MLF1: variants seen among roughly 807,000 people sequenced by gnomAD.
MLF1 encodes myelodysplasia-myeloid leukemia factor 1.
MLF1 carries 37 observed loss-of-function variants against 38.3 expected under a neutral mutation model. The observed-to-expected ratio is 0.96, with a 90% CI of 0.74 to 1.27. The LOEUF (loss-of-function observed/expected upper bound fraction) is 1.27, where lower values mean the gene tolerates loss of function less well. Ranked by LOEUF, MLF1 falls within the 50% of genes most tolerant of loss-of-function variation. The pLI is 0.00. For missense variants in MLF1, 331 were observed against 349.2 expected, an observed-to-expected ratio of 0.95 and a Z score of 0.42; for synonymous variants, 95 against 106.5, an observed-to-expected ratio of 0.89 and a Z score of 0.66.
At chr3:158,601,122 T>C (rs1719682613) in intron 6 of MLF1, among the ~76,000 whole-genome samples, 1 of 152,144 alleles carries the variant, frequency 6.6e-6, no homozygotes, top group Non-Finnish European at 1.5e-5. Flanking sequence ...AGTGTTTAAA[T>C]TTTAAATTGT....
intron 3 of MLF1, among the ~76,000 whole-genome samples, chr3:158,593,758 A>G (rs1836688): frequency 0.56 from 85,572 of 152,154 alleles, 24,962 homozygotes; most frequent in African/African-American, 0.72. Context: ...ACTTTCCAAA[A>G]GGTTTTTTAA....
chr3:158,594,024 A>G (rs1324447805), intron 3 of MLF1, among the ~76,000 whole-genome samples: 1 of 151,862 alleles, frequency 6.6e-6, no homozygotes, highest in East Asian at 1.9e-4. Flanking sequence ...TTGTATCTAC[A>G]GTCTCATGAA....
At chr3:158,578,434 T>C (rs184011399) in intron 1 of MLF1, among the ~76,000 whole-genome samples, 5 of 150,784 alleles carry the variant, frequency 3.3e-5, no homozygotes, top group Admixed American at 3.3e-4. Context: ...TTAAAAACAA[T>C]AAATTATTCT....
chr3:158,596,386 G>A (rs1290907594), intron 3 of MLF1, among the ~76,000 whole-genome samples: 2 of 152,060 alleles, frequency 1.3e-5, no homozygotes, highest in Admixed American at 6.6e-5. Flanking sequence ...CTACTTACTC[G>A]AGGGACAACT....
chr3:158,598,553 C>T (rs1264475160), intron 5 of MLF1, among the ~76,000 whole-genome samples: 2 of 151,762 alleles, frequency 1.3e-5, no homozygotes, highest in Non-Finnish European at 2.9e-5. Context: ...TTTAAGTTTA[C>T]ATTTGAAGTG....
intron 7 of MLF1, among the ~76,000 whole-genome samples, chr3:158,603,167 T>C (rs2108659556): frequency 6.6e-6 from 1 of 152,322 alleles, no homozygotes; most frequent in African/African-American, 2.4e-5. Context: ...AATTCACTAG[T>C]AAACTATGCC....
At chr3:158,578,402 T>C (rs1036722826) in intron 1 of MLF1, among the ~76,000 whole-genome samples, 12 of 151,564 alleles carry the variant, frequency 7.9e-5, no homozygotes, top group African/African-American at 2.9e-4. Flanking sequence ...TGTGTGTGTG[T>C]ACATATGTAT....
At chr3:158,572,775 C>A (rs1263977283) in intron 1 of MLF1, among the ~76,000 whole-genome samples, 1 of 21,312 alleles carries the variant, frequency 4.7e-5, no homozygotes, top group Non-Finnish European at 9.1e-5. Flanking sequence ...TGATGGCGTG[C>A]AGTGGGGGGA....
chr3:158,600,093 G>T lies in MLF1; in HGVS notation c.533G>T (p.Arg178Leu), dbSNP rs771276973. The change falls in exon 6 of 8, where the codon CGA becomes CTA. Residue 178 changes from arginine to leucine, a missense_variant. By Grantham distance (102) the Arg-to-Leu change is moderately radical. Coordinates refer to ENST00000466246, the MANE Select transcript of MLF1 (RefSeq NM_001369783.1). ...GCTATTGGTCATCATATCCATGACC[G>T]AGCTCATGTCATTAAAAAGTCAAAG... ...KMAIGHHIHD[R>L]AHVIKKSKNK... 1.3e-6 allele frequency: 2 copies of T among 1,484,878 alleles called. No individual in the cohort carries two copies. The highest frequency in any genetic ancestry group is 1.9e-5 in the Admixed American group (1 of 51,470). 92.0% of individuals were successfully genotyped at this position (1,484,878 alleles called of 1,614,324 possible).
intron 6 of MLF1, among the ~76,000 whole-genome samples, chr3:158,601,662 C>T (rs1318556107): frequency 1.3e-5 from 2 of 151,954 alleles, no homozygotes; most frequent in East Asian, 3.9e-4. Context: ...GAGGCTGAGA[C>T]AGGAGAATCT....
At chr3:158,584,497 AC>A (rs749916254) in intron 1 of MLF1, among the ~76,000 whole-genome samples, 9 of 152,202 alleles carry the variant, frequency 5.9e-5, no homozygotes, top group Non-Finnish European at 1.3e-4. Context: ...GGAAAATGTG[AC>A]CCATTCTCCA....
chr3:158,584,667 G>A (rs1009894732), intron 1 of MLF1, among the ~76,000 whole-genome samples: 1 of 129,618 alleles, frequency 7.7e-6, no homozygotes, highest in African/African-American at 2.9e-5. Context: ...AAGTGTGTGT[G>A]TGTGTGTGTG....
intron 1 of MLF1, among the ~76,000 whole-genome samples, chr3:158,588,379 T>C (rs1717582085): frequency 6.6e-6 from 1 of 152,132 alleles, no homozygotes; most frequent in Non-Finnish European, 1.5e-5. Context: ...ATACATGTTA[T>C]GTCAGAATAA....
chr3:158,602,887 A>G lies in MLF1; in HGVS notation c.694A>G (p.Arg232Gly). 6.2e-7 allele frequency: 1 copy of G among 1,613,650 alleles called. No individual in the cohort carries two copies. Among genetic ancestry groups the G allele is most frequent in the Non-Finnish European group, 8.5e-7 (1 of 1,179,668 alleles). The change falls in exon 7 of 8, where the codon AGA becomes GGA. Residue 232 changes from arginine to glycine, a missense_variant. Coordinates refer to ENST00000466246, the MANE Select transcript of MLF1 (RefSeq NM_001369783.1). ...AGGACGACACAATCTAGGAAACACT[A>G]GAATGAGAAGTGTTGGCCATGAGAA... ...KPGRHNLGNT[R>G]MRSVGHENPG...
chr3:158,587,771 C>T (rs1345804737), intron 1 of MLF1, among the ~76,000 whole-genome samples: 1 of 152,184 alleles, frequency 6.6e-6, no homozygotes, highest in Non-Finnish European at 1.5e-5. Context: ...GAGGCCGAGG[C>T]GGGCAGATCA....
At chr3:158,583,459 C>T (rs1211515729) in intron 1 of MLF1, among the ~76,000 whole-genome samples, 2 of 151,976 alleles carry the variant, frequency 1.3e-5, no homozygotes, top group South Asian at 2.1e-4. Flanking sequence ...AAGGGAAGAA[C>T]AAGAAAATCA....
At position 158,602,453 on chromosome 3, in the gene MLF1, C is replaced by A. The variant is rs568483144; in HGVS notation, c.614-354C>A. Among the ~76,000 whole-genome samples the A allele has an allele frequency of 2.6e-5, 4 of 152,174 alleles. No homozygotes were observed. In the South Asian group the frequency reaches 8.3e-4, roughly 32 times the overall value. On this transcript the variant is annotated intron_variant, in intron 6 of 7. Transcript: ENST00000466246. ...TGGTTAGGTGAATAGAAGTGCTAGC[C>A]ACAGAAGTATACACTATACAGGAAG...
intron 7 of MLF1, among the ~76,000 whole-genome samples, chr3:158,604,335 G>A (rs1720214044): frequency 6.6e-6 from 1 of 152,148 alleles, no homozygotes; most frequent in African/African-American, 2.4e-5. Context: ...CCTAACAGTG[G>A]CATTTTCTCT....
intron 1 of MLF1, among the ~76,000 whole-genome samples, chr3:158,576,371 C>T (rs1210569721): frequency 6.6e-6 from 1 of 152,190 alleles, no homozygotes; most frequent in Admixed American, 6.5e-5. Flanking sequence ...TCTCTCACAT[C>T]TGTATTTGCT....
Sources: allele counts gnomAD v4.1 joint callset (sites outside exome capture counted in the v4.1 genomes callset), GRCh38; gene constraint gnomAD v4.1.1; transcripts MANE v1.5; gene names NCBI Gene and HGNC (gene_info 2026-07-23, HGNC 2026-07-21).